EPB41: variants seen among roughly 807,000 people sequenced by gnomAD.
EPB41 encodes the protein erythrocyte membrane protein band 4.1, also known as protein 4.1.
Under a neutral mutation model 108.0 loss-of-function variants are expected in EPB41, and 65 were observed. That is an observed-to-expected ratio of 0.60 (90% CI 0.49 to 0.74). The LOEUF is 0.74. Ranked by LOEUF, EPB41 falls within the 30% of genes least tolerant of loss-of-function variation. The pLI is 0.00. For missense variants in EPB41, 875 were observed against 1,037.0 expected, an observed-to-expected ratio of 0.84 and a Z score of 2.15; for synonymous variants, 336 against 358.9, an observed-to-expected ratio of 0.94 and a Z score of 0.72.
At chr1:29,100,418 C>T (rs188221267) in intron 17 of EPB41, among the ~76,000 whole-genome samples, 5 of 146,582 alleles carry the variant, frequency 3.4e-5, no homozygotes, top group South Asian at 2.2e-4. Context: ...GCCAAGATGG[C>T]GCCATTGCAC....
intron 1 of EPB41, among the ~76,000 whole-genome samples, chr1:28,952,450 C>T (rs549348803): frequency 4.6e-5 from 7 of 152,142 alleles, no homozygotes; most frequent in East Asian, 1.9e-4. Flanking sequence ...CACTTGAACC[C>T]GGGAGGCGGA....
chr1:28,906,412 C>T (rs1171361231), intron 1 of EPB41, among the ~76,000 whole-genome samples: 1 of 152,202 alleles, frequency 6.6e-6, no homozygotes, highest in East Asian at 1.9e-4. Context: ...GGAAAACCCT[C>T]TACGCCTTGA....
rs751257027 is a variant in EPB41, at chr1:29,053,305, C to A, written c.1838C>A (p.Ala613Glu). 1 of 1,614,184 alleles carries A rather than the reference C, an allele frequency of 6.2e-7. No individual in the cohort carries two copies. The highest frequency in any genetic ancestry group is 1.1e-5 in the South Asian group (1 of 91,092). The change falls in exon 12 of 21, where the codon GCA (alanine) becomes GAA (glutamate). Residue 613 changes from alanine (A) to glutamate (E), a missense_variant. By Grantham distance (107) the Ala-to-Glu change is moderately radical. Around this residue, in one of 3 missense-constraint regions of EPB41, gnomAD observed 519 missense variants for 627.3 expected, o/e 0.83. Coordinates refer to ENST00000343067, the MANE Select transcript of EPB41 (RefSeq NM_001376013.1). ...CAAGCTGAGCCAGAGCCCACAGAAG[C>A]ATGGAAGGTATGTCATCAGTCCAAA... ...PEQAEPEPTE[A>E]WKVEKTHIEV...
chr1:28,982,059 G>A (rs1454160778), intron 1 of EPB41, among the ~76,000 whole-genome samples: 2 of 145,122 alleles, frequency 1.4e-5, no homozygotes, highest in Admixed American at 6.9e-5. Flanking sequence ...CCCACCCCAC[G>A]ACAGTCCCCG....
chr1:29,067,664 T>TAAA (rs11398608), intron 16 of EPB41, among the ~76,000 whole-genome samples: 14 of 134,410 alleles, frequency 1.0e-4, no homozygotes, highest in African/African-American at 1.4e-4. Context: ...GACTCCGTCT[T>TAAA]AAAAAAAAAA....
chr1:28,933,866 A>G (rs1557718261), intron 1 of EPB41, among the ~76,000 whole-genome samples: 1 of 152,172 alleles, frequency 6.6e-6, no homozygotes, highest in Admixed American at 6.6e-5. Context: ...CAGAGTCCCT[A>G]TATACCCCAC....
intron 11 of EPB41, among the ~76,000 whole-genome samples, chr1:29,048,064 G>A (rs1226776524): frequency 6.6e-6 from 1 of 152,004 alleles, no homozygotes; most frequent in Non-Finnish European, 1.5e-5. Context: ...GATTACGGGC[G>A]TGAGTGAGCC....
chr1:28,957,693 C>T (rs915449087), intron 1 of EPB41, among the ~76,000 whole-genome samples: 10 of 152,150 alleles, frequency 6.6e-5, no homozygotes, highest in Non-Finnish European at 1.5e-4. Flanking sequence ...ATGTGAGCCA[C>T]CATGCCCCTC....
chr1:29,089,074 G>T (rs1043883120), intron 16 of EPB41, among the ~76,000 whole-genome samples: 1 of 152,202 alleles, frequency 6.6e-6, no homozygotes, highest in Non-Finnish European at 1.5e-5. Flanking sequence ...AACACTAGCT[G>T]CTCATCTGTT....
chr1:28,975,795 C>T lies in EPB41; in HGVS notation c.-7-11636C>T, dbSNP rs2095590468. 2.0e-5 allele frequency among the ~76,000 whole-genome samples: 3 copies of T among 151,736 alleles called. No individual in the cohort carries two copies. The South Asian group carries it at 6.2e-4, about 32-fold the overall frequency. ...CATCCTGGCTAACACGGTGAAACCC[C>T]GTCTCTAATAAAAATACAAAAAATT... On this transcript the variant is annotated intron_variant, in intron 1 of 20. Coordinates refer to ENST00000343067, the MANE Select transcript of EPB41 (RefSeq NM_001376013.1).
At chr1:28,961,134 G>T (rs1030839343) in intron 1 of EPB41, among the ~76,000 whole-genome samples, 1 of 150,894 alleles carries the variant, frequency 6.6e-6, no homozygotes, top group Non-Finnish European at 1.5e-5. Flanking sequence ...GTATCTAGAA[G>T]AATCATAACC....
At chr1:28,964,156 C>T (rs190112396) in intron 1 of EPB41, among the ~76,000 whole-genome samples, 1 of 152,266 alleles carries the variant, frequency 6.6e-6, no homozygotes, top group African/African-American at 2.4e-5. Context: ...CGTCTAATGG[C>T]AGGCTTGGTG....
At chr1:28,967,559 T>C (rs753004079) in intron 1 of EPB41, among the ~76,000 whole-genome samples, 1 of 152,146 alleles carries the variant, frequency 6.6e-6, no homozygotes, top group Non-Finnish European at 1.5e-5. Context: ...AATTCGACCT[T>C]CCTTTCTTTC....
intron 16 of EPB41, among the ~76,000 whole-genome samples, chr1:29,067,524 A>T (rs2151049971): frequency 7.3e-6 from 1 of 137,844 alleles, no homozygotes; most frequent in Middle Eastern, 4.0e-3. Context: ...AAAAAAAGCC[A>T]GGCATGGTGG....
intron 1 of EPB41, among the ~76,000 whole-genome samples, chr1:28,900,548 A>G (rs1321624269): frequency 6.6e-6 from 1 of 152,042 alleles, no homozygotes; most frequent in Non-Finnish European, 1.5e-5. Flanking sequence ...TCAGCCTCCC[A>G]AAGTGCTGGG....
chr1:28,968,388 T>C (rs2149260009), intron 1 of EPB41, among the ~76,000 whole-genome samples: 1 of 152,162 alleles, frequency 6.6e-6, no homozygotes, highest in South Asian at 2.1e-4. Flanking sequence ...CAAAACTCTG[T>C]TTTTGTACAT....
chr1:29,005,413 C>A lies in EPB41; in HGVS notation c.787-6452C>A, dbSNP rs576831798. 1.3e-4 allele frequency among the ~76,000 whole-genome samples: 20 copies of A among 152,292 alleles called. No individual in the cohort carries two copies. In the East Asian group the frequency reaches 2.7e-3, roughly 21 times the overall value. On this transcript the variant is annotated intron_variant, in intron 4 of 20. Coordinates refer to ENST00000343067, the MANE Select transcript of EPB41 (RefSeq NM_001376013.1). ...TGAGATTTGGGTGGGGATACACATC[C>A]AAACAATGTCTGCTCCTATTCATTT...
chr1:28,923,503 G>T (rs2093263076), intron 1 of EPB41, among the ~76,000 whole-genome samples: 2 of 152,036 alleles, frequency 1.3e-5, no homozygotes, highest in Non-Finnish European at 2.9e-5. Flanking sequence ...CTTTTATTAA[G>T]TGCCATTCCG....
At chr1:29,073,569 A>G (rs1406880674) in intron 16 of EPB41, among the ~76,000 whole-genome samples, 1 of 152,200 alleles carries the variant, frequency 6.6e-6, no homozygotes, top group Non-Finnish European at 1.5e-5. Flanking sequence ...TCTACTCCTT[A>G]TTGATATTTG....
Sources: allele counts gnomAD v4.1 joint callset (sites outside exome capture counted in the v4.1 genomes callset), GRCh38; gene constraint gnomAD v4.1.1; regional missense constraint gnomAD v4.1.1; transcripts MANE v1.5; gene names NCBI Gene and HGNC (gene_info 2026-07-23, HGNC 2026-07-21).